The following MALRD1 variants were observed in gnomAD, a reference collection of about 807,000 sequenced individuals.
MALRD1 encodes MAM and LDL-receptor class A domain-containing protein 1.
A neutral mutation model predicts 242.1 loss-of-function variants in MALRD1; 247 were observed. That is an observed-to-expected ratio of 1.02 (90% CI 0.92 to 1.13). The LOEUF (loss-of-function observed/expected upper bound fraction) is 1.13. Ranked by LOEUF, MALRD1 falls within the 50% of genes most tolerant of loss-of-function variation. MALRD1 has a pLI of 0.00. For synonymous variants in MALRD1, 995 were observed against 866.6 expected, an observed-to-expected ratio of 1.15 and a Z score of -2.60; for missense variants, 2,989 against 2,533.1, an observed-to-expected ratio of 1.18 and a Z score of -3.86.
chr10:19,097,202 A>G (rs1419920727), intron 4 of MALRD1, among the ~76,000 whole-genome samples: 2 of 152,218 alleles, frequency 1.3e-5, no homozygotes, highest in Non-Finnish European at 2.9e-5. Context: ...TACAAGCTTT[A>G]GAGAGTTAAA....
rs76095695 is a variant in MALRD1 at position 19,116,119 on chromosome 10, A to G, written c.695-7373A>G. ...AAGAGGATCACTTTAGATTTTACCA[A>G]AGTAGCTAGTATGAAAAAAAAATCA... On this transcript the variant is annotated intron_variant, in intron 5 of 39. Coordinates refer to ENST00000454679, the MANE Select transcript of MALRD1 (RefSeq NM_001142308.3). Among the ~76,000 whole-genome samples the G allele has an allele frequency of 2.0e-4, 30 of 152,276 alleles. No homozygotes were observed. In the East Asian group the frequency reaches 5.6e-3, roughly 28 times the overall value.
chr10:19,162,847 A>G (rs1301110204), intron 12 of MALRD1, among the ~76,000 whole-genome samples: 4 of 151,918 alleles, frequency 2.6e-5, no homozygotes, highest in Admixed American at 6.6e-5. Flanking sequence ...TTTTTCTACT[A>G]TAGGTCAGGT....
chr10:19,164,692 C>T (rs1834593807), intron 12 of MALRD1, among the ~76,000 whole-genome samples: 2 of 152,082 alleles, frequency 1.3e-5, no homozygotes, highest in African/African-American at 4.8e-5. Context: ...CATACAGCTC[C>T]AGGTACTTAG....
intron 36 of MALRD1, among the ~76,000 whole-genome samples, chr10:19,636,146 A>G (rs1448596334): frequency 6.6e-6 from 1 of 152,194 alleles, no homozygotes; most frequent in Admixed American, 6.5e-5. Flanking sequence ...AACTACATTG[A>G]CCATGGAATT....
intron 30 of MALRD1, among the ~76,000 whole-genome samples, chr10:19,494,328 T>G (rs1183734589): frequency 2.0e-5 from 3 of 152,086 alleles, no homozygotes; most frequent in Non-Finnish European, 4.4e-5. Context: ...CACACAGAAA[T>G]AAGAAAGAAC....
chr10:19,722,795 T>C (rs1489298497), intron 38 of MALRD1, among the ~76,000 whole-genome samples: 1 of 151,754 alleles, frequency 6.6e-6, no homozygotes, highest in Non-Finnish European at 1.5e-5. Context: ...GTGAAGAGAA[T>C]AGCACTCAAC....
intron 28 of MALRD1, among the ~76,000 whole-genome samples, chr10:19,437,353 C>G (rs1834390143): frequency 6.6e-6 from 1 of 151,934 alleles, no homozygotes; most frequent in Non-Finnish European, 1.5e-5. Context: ...GGCCCTGACA[C>G]TGATATGATT....
chr10:19,416,621 T>C (rs951505777), intron 28 of MALRD1, among the ~76,000 whole-genome samples: 9 of 152,150 alleles, frequency 5.9e-5, no homozygotes, highest in African/African-American at 1.9e-4. Context: ...CAGCTATATC[T>C]CATACAGTAC....
At chr10:19,052,004 A>G in intron 1 of MALRD1, 1 of 313,032 alleles carries the variant, frequency 3.2e-6, no homozygotes, top group Non-Finnish European at 6.3e-6. Context: ...AATACTCAGA[A>G]GCACCGCCCA....
chr10:19,602,553 C>G (rs982118731), intron 34 of MALRD1, among the ~76,000 whole-genome samples: 1 of 151,890 alleles, frequency 6.6e-6, no homozygotes. Context: ...GCATAGTGTT[C>G]CATGGTGTAT....
chr10:19,215,558 A>T (rs992085314), intron 18 of MALRD1, among the ~76,000 whole-genome samples: 1 of 152,154 alleles, frequency 6.6e-6, no homozygotes, highest in Non-Finnish European at 1.5e-5. Flanking sequence ...GTAAAGCATC[A>T]GTGATTTCAC....
intron 34 of MALRD1, among the ~76,000 whole-genome samples, chr10:19,598,709 C>T (rs1838222079): frequency 6.6e-6 from 1 of 152,020 alleles, no homozygotes; most frequent in African/African-American, 2.4e-5. Flanking sequence ...CATAAGGTTA[C>T]ATGGCCATCA....
chr10:19,589,655 T>C (rs185857417), intron 33 of MALRD1, among the ~76,000 whole-genome samples: 4 of 151,720 alleles, frequency 2.6e-5, no homozygotes, highest in Admixed American at 6.6e-5. Context: ...AACCCTAAGA[T>C]ATATAATGAG....
chr10:19,543,853 A>G (rs546679710), intron 32 of MALRD1, among the ~76,000 whole-genome samples: 8 of 152,284 alleles, frequency 5.3e-5, no homozygotes, highest in African/African-American at 1.9e-4. Flanking sequence ...ACTGGAGTCT[A>G]TGCTCCTGGG....
intron 36 of MALRD1, among the ~76,000 whole-genome samples, chr10:19,674,474 G>A (rs897701714): frequency 3.0e-4 from 46 of 152,132 alleles, no homozygotes; most frequent in African/African-American, 1.1e-3. Flanking sequence ...TCTCAGCCTG[G>A]CCCCTCACAG....
intron 29 of MALRD1, among the ~76,000 whole-genome samples, chr10:19,480,420 G>T (rs1023535845): frequency 6.6e-6 from 1 of 152,162 alleles, no homozygotes; most frequent in African/African-American, 2.4e-5. Context: ...GCAGTTGAAA[G>T]TCTGGACTGG....
chr10:19,234,769 G>A (rs1838232072), intron 18 of MALRD1, among the ~76,000 whole-genome samples: 1 of 152,106 alleles, frequency 6.6e-6, no homozygotes, highest in Non-Finnish European at 1.5e-5. Context: ...TTGTCCTCAT[G>A]GAGTTTATTT....
intron 30 of MALRD1, among the ~76,000 whole-genome samples, chr10:19,492,918 A>C (rs1241476690): frequency 6.6e-6 from 1 of 152,144 alleles, no homozygotes; most frequent in Non-Finnish European, 1.5e-5. Flanking sequence ...ATTTCTTAGG[A>C]TCTTATACTG....
rs575591409 is a variant in MALRD1, at chr10:19,488,134, C to T, written c.5030-3383C>T. ...ACCTTTAATATAAGTCACTATGAAT[C>T]TGTGAAGTATTGTCATTTGACTACA... On this transcript the variant is annotated intron_variant, in intron 29 of 39. Transcript: ENST00000454679. 3.3e-5 allele frequency among the ~76,000 whole-genome samples: 5 copies of T among 152,230 alleles called. No homozygotes were observed. In the South Asian group the frequency reaches 6.2e-4, roughly 19 times the overall value.
Sources: allele counts gnomAD v4.1 joint callset (sites outside exome capture counted in the v4.1 genomes callset), GRCh38; gene constraint gnomAD v4.1.1; transcripts MANE v1.5; gene names NCBI Gene and HGNC (gene_info 2026-07-23, HGNC 2026-07-21).